Variants in CARMIL1 observed in about 807,000 individuals in gnomAD.
The protein encoded by CARMIL1 is capping protein regulator and myosin 1 linker 1, also known as F-actin-uncapping protein LRRC16A.
A neutral mutation model predicts 177.1 loss-of-function variants in CARMIL1; 90 were observed. That is an observed-to-expected ratio of 0.51 (90% CI 0.43 to 0.61). The LOEUF (loss-of-function observed/expected upper bound fraction) is 0.61. Ranked by LOEUF, CARMIL1 falls within the 20% of genes least tolerant of loss-of-function variation. CARMIL1 has a pLI of 0.00. For synonymous variants in CARMIL1, 577 were observed against 606.2 expected (o/e 0.95, Z 0.71); for missense variants, 1,380 against 1,667.0 (o/e 0.83, Z 3.00).
In CARMIL1 at chr6:25,619,737, T is replaced by A; in HGVS notation, c.*154T>A. ...GCCCCCACCCCCATCCCCTGCCTTTTTTTTTTTTTTTTTTTTTTTTTTTTG... is the reference window on the plus strand; with the variant it reads ...GCCCCCACCCCCATCCCCTGCCTTTATTTTTTTTTTTTTTTTTTTTTTTTG... On this transcript the variant is annotated 3_prime_UTR_variant, in exon 37 of 37. Transcript: ENST00000329474. 1.1e-5 allele frequency: 1 copy of A among 88,918 alleles called. No homozygotes were observed. Among genetic ancestry groups the A allele is most frequent in the Non-Finnish European group, 2.1e-5 (1 of 47,698 alleles). The allele number at this position is 88,918 out of a possible 1,614,324, so 5.5% of individuals were successfully genotyped here.
chr6:25,448,206 C>G (rs1798426803), intron 5 of CARMIL1, among the ~76,000 whole-genome samples: 1 of 152,226 alleles, frequency 6.6e-6, no homozygotes, highest in Admixed American at 6.5e-5. Context: ...CAGTGCCCAT[C>G]TAATCATCAC....
At position 25,556,731 on chromosome 6, in the gene CARMIL1, C is replaced by G; in HGVS notation, c.2623C>G (p.Leu875Val). The G allele has an allele frequency of 6.2e-7, 1 of 1,613,346 alleles. No individual in the cohort carries two copies. Among genetic ancestry groups the G allele is most frequent in the Non-Finnish European group, 8.5e-7 (1 of 1,179,616 alleles). Residue 875 changes from leucine to valine, a missense_variant, in exon 29 of 37, where the codon CTT (leucine) becomes GTT (valine). By Grantham distance (32) the Leu-to-Val change is conservative (BLOSUM62 1). Coordinates refer to ENST00000329474, the MANE Select transcript of CARMIL1 (RefSeq NM_017640.6). ...CCATTTCAGCAGACGTGGCAAGACC[C>G]TTCCTCAACAAGAATCCTTAGAGAT... ...ADHFSRRGKT[L>V]PQQESLEIEL...
intron 2 of CARMIL1, among the ~76,000 whole-genome samples, chr6:25,354,512 G>A (rs992488167): frequency 3.3e-5 from 5 of 151,892 alleles, no homozygotes; most frequent in Non-Finnish European, 1.5e-5. Context: ...ATGCTTCCAT[G>A]AGAGAGGATT....
At chr6:25,461,116 C>T (rs1800081172) in intron 8 of CARMIL1, among the ~76,000 whole-genome samples, 1 of 152,112 alleles carries the variant, frequency 6.6e-6, no homozygotes, top group African/African-American at 2.4e-5. Context: ...TTTGCATTGG[C>T]CCTTGTTCTA....
intron 13 of CARMIL1, 141 bp downstream of exon 13, chr6:25,488,726 G>C (rs552610919): frequency 1.4e-6 from 1 of 701,530 alleles, no homozygotes; most frequent in Non-Finnish European, 2.5e-6. Flanking sequence ...ACGAGCTTAT[G>C]AAGTGTTTTA....
intron 2 of CARMIL1, among the ~76,000 whole-genome samples, chr6:25,323,028 G>T (rs186669870): frequency 6.6e-6 from 1 of 152,060 alleles, no homozygotes; most frequent in Non-Finnish European, 1.5e-5. Context: ...TTTTCCAGGC[G>T]CACCCTTTCC....
chr6:25,573,865 T>C (rs1392832801), intron 29 of CARMIL1, among the ~76,000 whole-genome samples: 1 of 152,160 alleles, frequency 6.6e-6, no homozygotes, highest in African/African-American at 2.4e-5. Flanking sequence ...ATAAAGAACA[T>C]GAAGAGGATG....
intron 22 of CARMIL1, among the ~76,000 whole-genome samples, chr6:25,519,601 T>G (rs1806343786): frequency 6.6e-6 from 1 of 152,192 alleles, no homozygotes; most frequent in South Asian, 2.1e-4. Context: ...TGGTGGACAT[T>G]AGCTCTTGAA....
chr6:25,472,232 A>G (rs1173984510), intron 10 of CARMIL1, among the ~76,000 whole-genome samples, 195 bp from the exon 11 acceptor site: 1 of 152,160 alleles, frequency 6.6e-6, no homozygotes, highest in African/African-American at 2.4e-5. Flanking sequence ...GCCAATCAGA[A>G]TGAACCGTTT....
chr6:25,407,740 A>G (rs1430069748), intron 2 of CARMIL1, among the ~76,000 whole-genome samples: 1 of 152,156 alleles, frequency 6.6e-6, no homozygotes, highest in Non-Finnish European at 1.5e-5. Flanking sequence ...TGGAGGAATG[A>G]TTTCAGTGGA....
Position 25,435,613 on chromosome 6 carries a change from C to A in CARMIL1, c.371+9C>A. 6.4e-7 allele frequency: 1 copy of A among 1,574,410 alleles called. No homozygotes were observed. Among genetic ancestry groups the A allele is most frequent in the Non-Finnish European group, 8.6e-7 (1 of 1,159,064 alleles). On this transcript the variant is annotated intron_variant, in intron 5 of 36. Transcript: ENST00000329474. ...CCTGGCCTCTCTCCAGTGTGAGTTTCCCTGGGCAGGGTGAGGAGAGCAAAG... is the reference window on the plus strand; with the variant it reads ...CCTGGCCTCTCTCCAGTGTGAGTTTACCTGGGCAGGGTGAGGAGAGCAAAG...
intron 11 of CARMIL1, 133 bp downstream of exon 11, chr6:25,472,654 C>A: frequency 1.6e-6 from 1 of 640,820 alleles, no homozygotes; most frequent in South Asian, 2.1e-5. Flanking sequence ...TGTTGGCTTC[C>A]AGTTCTTTCC....
chr6:25,581,478 C>A lies in CARMIL1; in HGVS notation c.3006+39C>A, dbSNP rs773331923. 7.2e-6 allele frequency: 11 copies of A among 1,535,784 alleles called. No individual in the cohort carries two copies. The African/African-American group carries it at 1.3e-4, about 18-fold the overall frequency. On this transcript the variant is annotated intron_variant, in intron 31 of 36. Coordinates refer to ENST00000329474, the MANE Select transcript of CARMIL1 (RefSeq NM_017640.6). ...AGGAGAGGCCCCATCTCTCCCACAC[C>A]CTTTTCTTCTCTGGGGAAAGTTGGA...
intron 2 of CARMIL1, among the ~76,000 whole-genome samples, chr6:25,329,761 C>G (rs189012841): frequency 1.3e-4 from 20 of 152,194 alleles, no homozygotes; most frequent in Admixed American, 1.2e-3. Context: ...AGTATCTCAG[C>G]TCTTGTTGTA....
chr6:25,443,491 G>A (rs1797949473), intron 5 of CARMIL1, among the ~76,000 whole-genome samples: 1 of 152,168 alleles, frequency 6.6e-6, no homozygotes, highest in Non-Finnish European at 1.5e-5. Context: ...AATGACATCT[G>A]ACATGTATTA....
At chr6:25,319,388 G>T (rs916047709) in intron 2 of CARMIL1, among the ~76,000 whole-genome samples, 3 of 151,952 alleles carry the variant, frequency 2.0e-5, no homozygotes, top group African/African-American at 7.3e-5. Context: ...GTAAGGTTTT[G>T]CTGTGTATTG....
In CARMIL1 at chr6:25,435,319, C is replaced by T. The variant is rs539144657; in HGVS notation, c.250-164C>T. On this transcript the variant is annotated intron_variant, in intron 4 of 36. Coordinates refer to ENST00000329474, the MANE Select transcript of CARMIL1 (RefSeq NM_017640.6). The stretch of plus-strand genomic sequence containing the variant: ...CATGAGGGTGATGGTTGGGTGTTCA[C>T]GCACGTATGTGAGATGTGCTACCCT... Among the ~76,000 whole-genome samples the T allele has an allele frequency of 3.3e-5, 5 of 152,006 alleles. No individual in the cohort carries two copies. In the South Asian group the frequency reaches 6.2e-4, roughly 19 times the overall value.
intron 2 of CARMIL1, among the ~76,000 whole-genome samples, chr6:25,312,917 A>C (rs903178236): frequency 2.7e-5 from 4 of 150,390 alleles, no homozygotes; most frequent in Middle Eastern, 3.2e-3. Flanking sequence ...AAAAAAAAAA[A>C]AAAAAAAAAA....
Position 25,477,589 on chromosome 6 carries a change from G to C in CARMIL1, c.875-4668G>C, listed in dbSNP as rs376680792. ...ACTGTGGGTGAAGACCCATTAGCTGGCTGTGAAATCAATTTAATAGTTCAT... is the reference window on the plus strand; with the variant it reads ...ACTGTGGGTGAAGACCCATTAGCTGCCTGTGAAATCAATTTAATAGTTCAT... On this transcript the variant is annotated intron_variant, in intron 11 of 36. Coordinates refer to ENST00000329474, the MANE Select transcript of CARMIL1 (RefSeq NM_017640.6). Among the ~76,000 whole-genome samples, 4 of 151,994 alleles carry C rather than the reference G, an allele frequency of 2.6e-5. No homozygotes were observed. In the East Asian group the frequency reaches 7.8e-4, roughly 29 times the overall value.
Sources: gnomAD v4.1 joint callset for allele counts (sites outside exome capture counted in the v4.1 genomes callset) on GRCh38, gnomAD v4.1.1 for gene constraint, MANE v1.5 for transcripts, NCBI Gene and HGNC (gene_info 2026-07-23, HGNC 2026-07-21) for gene names.